ZNF728: variants seen among roughly 807,000 people sequenced by gnomAD.
The protein encoded by ZNF728 is zinc finger protein 728.
A neutral mutation model predicts 12.5 loss-of-function variants in ZNF728; 12 were observed. The ratio of observed to expected loss-of-function variants is 0.96; its 90% CI spans 0.61 to 1.55. The LOEUF (loss-of-function observed/expected upper bound fraction) is 1.55. Ranked by LOEUF, ZNF728 falls within the 40% of genes most tolerant of loss-of-function variation. The pLI is 0.00. For synonymous variants in ZNF728, 205 were observed against 240.7 expected (o/e 0.85, Z 1.37); for missense variants, 692 against 719.2 (o/e 0.96, Z 0.43).
intron 3 of ZNF728, among the ~76,000 whole-genome samples, chr19:22,980,779 G>A (rs550279613): frequency 2.0e-5 from 3 of 152,212 alleles, no homozygotes; most frequent in East Asian, 1.9e-4. Flanking sequence ...TGACTACAGG[G>A]TAAATAACAA....
Position 22,980,668 on chromosome 19 carries a change from C to T in ZNF728, c.227-3558G>A, listed in dbSNP as rs867552204. 2.0e-4 allele frequency among the ~76,000 whole-genome samples: 30 copies of T among 151,194 alleles called. No homozygotes were observed. In the South Asian group the frequency reaches 2.1e-3, roughly 10 times the overall value. ...TCAGCAAATGTAAAAGAATGGAAAT[C>T]GTAACAGTCTCTCAGACCACAGTGC... On this transcript the variant is annotated intron_variant, in intron 3 of 3. Transcript: ENST00000594710.
chr19:22,988,267 C>G, intron 2 of ZNF728, 58 bp downstream of exon 2: 1 of 1,611,790 alleles, frequency 6.2e-7, no homozygotes. Flanking sequence ...CAATAAAGTC[C>G]ACAGCAAAAT....
intron 1 of ZNF728, among the ~76,000 whole-genome samples, chr19:22,992,800 G>C (rs112235827): frequency 2.6e-5 from 4 of 152,196 alleles, no homozygotes; most frequent in Non-Finnish European, 5.9e-5. Flanking sequence ...ACACAATTCT[G>C]TTCTGGACAT....
chr19:22,985,543 C>G (rs1181241048), intron 3 of ZNF728: 1 of 152,184 alleles, frequency 6.6e-6, no homozygotes, highest in African/African-American at 2.4e-5. Context: ...GAGGAGCACC[C>G]TTTTCAGAAG....
At position 22,975,428 on chromosome 19, in the gene ZNF728, A is replaced by G. The variant is rs1484712591; in HGVS notation, c.*40T>C. The G allele has an allele frequency of 2.0e-6, 3 of 1,470,882 alleles. No individual in the cohort carries two copies. Among genetic ancestry groups the G allele is most frequent in the Non-Finnish European group, 2.7e-6 (3 of 1,097,022 alleles). The allele number at this position is 1,470,882 out of a possible 1,614,324, so 91.1% of individuals were successfully genotyped here. A position where few individuals can be genotyped will look rare whatever the true frequency, so the allele number is the denominator to read the frequency against. On this transcript the variant is annotated 3_prime_UTR_variant, in exon 4 of 4. Transcript: ENST00000594710. Reference sequence around the variant, plus strand: ...CTCCTGTATAAATACCCTTATGTTCAGTAAGGGTTAAGAACTAATTGAAAG... The same window carrying G: ...CTCCTGTATAAATACCCTTATGTTCGGTAAGGGTTAAGAACTAATTGAAAG...
intron 1 of ZNF728, among the ~76,000 whole-genome samples, chr19:22,991,204 AAAC>A (rs1313391410): frequency 6.6e-6 from 1 of 152,376 alleles, no homozygotes; most frequent in Admixed American, 6.5e-5. Context: ...TGCATTTGGA[AAAC>A]AACATGTGCA....
Position 22,976,784 on chromosome 19 carries a change from G to A in ZNF728, c.553C>T (p.Leu185Phe). 1.2e-6 allele frequency: 2 copies of A among 1,613,374 alleles called. No homozygotes were observed. The highest frequency in any genetic ancestry group is 1.3e-5 in the African/African-American group (1 of 75,048). ...CTTTTATGTTGAGATAGGTGTGAAAGCATGCAAAATGATCTGACATATTCT... is the reference window on the plus strand; with the variant it reads ...CTTTTATGTTGAGATAGGTGTGAAAACATGCAAAATGATCTGACATATTCT... ...CKEYVRSFCM[L>F]SHLSQHKRIY... Residue 185 changes from leucine (L) to phenylalanine (F), a missense_variant, in exon 4 of 4, where the codon CTT (leucine) becomes TTT (phenylalanine). Physicochemically the swap from Leu to Phe is conservative, Grantham distance 22 (BLOSUM62 0). Around this residue, in one of 3 missense-constraint regions of ZNF728, gnomAD observed 440 missense variants for 459.6 expected, o/e 0.96. Transcript: ENST00000594710.
At chr19:22,992,027 G>T (rs1332564806) in intron 1 of ZNF728, among the ~76,000 whole-genome samples, 1 of 152,032 alleles carries the variant, frequency 6.6e-6, no homozygotes, top group East Asian at 1.9e-4. Flanking sequence ...TCTTAGCAGG[G>T]TAAAATAAAT....
At chr19:22,989,529 G>GT (rs1968960677) in intron 1 of ZNF728, among the ~76,000 whole-genome samples, 1 of 152,106 alleles carries the variant, frequency 6.6e-6, no homozygotes, top group South Asian at 2.1e-4. Context: ...GAAAAAATGT[G>GT]TCGGAGAGCT....
At chr19:22,996,711 G>C (rs1969053759) in intron 1 of ZNF728, among the ~76,000 whole-genome samples, 1 of 151,988 alleles carries the variant, frequency 6.6e-6, no homozygotes, top group African/African-American at 2.4e-5. Context: ...CAAAAGGTTT[G>C]TTTCATTGTT....
chr19:23,002,940 A>G (rs1314221035), intron 1 of ZNF728, 88 bp downstream of exon 1: 5 of 1,524,204 alleles, frequency 3.3e-6, no homozygotes, highest in African/African-American at 1.4e-5. Context: ...GCTGACTGAG[A>G]GGAGGCCTGA....
At chr19:22,986,253 AC>A (rs1281919010) in intron 3 of ZNF728, among the ~76,000 whole-genome samples, 3 of 152,150 alleles carry the variant, frequency 2.0e-5, no homozygotes, top group Admixed American at 1.3e-4. Flanking sequence ...CTATTTTAAC[AC>A]AGCACTTGAC....
In ZNF728 at chr19:22,975,930, T is replaced by G. The variant is rs1299998243; in HGVS notation, c.1407A>C (p.Thr469=). 1.2e-5 allele frequency: 19 copies of G among 1,606,454 alleles called. No homozygotes were observed. The highest frequency in any genetic ancestry group is 1.6e-5 in the Non-Finnish European group (19 of 1,174,438). Residue 469 remains threonine (T), a synonymous_variant, in exon 4 of 4, where the codon ACA becomes ACC. Transcript: ENST00000594710. ...KVFSWSSSLT[T]HKAIHAGEKL... ...TCTCTCCAGCATGAATTGCCTTATG[T>G]GTAGTAAGGCTTGAGGACCAGCTGA...
chr19:22,989,549 A>C (rs147184349), intron 1 of ZNF728, among the ~76,000 whole-genome samples: 12 of 152,312 alleles, frequency 7.9e-5, no homozygotes, highest in African/African-American at 2.6e-4. Context: ...TTATCAACCA[A>C]GTGATTTATT....
chr19:22,996,698 T>A (rs748030523), intron 1 of ZNF728, among the ~76,000 whole-genome samples: 6 of 152,212 alleles, frequency 3.9e-5, no homozygotes, highest in South Asian at 2.1e-4. Flanking sequence ...TCAAAAAGAA[T>A]GACAAAAGGT....
intron 1 of ZNF728, among the ~76,000 whole-genome samples, chr19:22,996,973 GTTA>G (rs1969057423): frequency 6.6e-6 from 1 of 152,270 alleles, no homozygotes; most frequent in South Asian, 2.1e-4. Flanking sequence ...AGAGAAAGAT[GTTA>G]TTAAGAAACC....
At chr19:22,984,121 T>C (rs959707217) in intron 3 of ZNF728, among the ~76,000 whole-genome samples, 1 of 152,088 alleles carries the variant, frequency 6.6e-6, no homozygotes, top group African/African-American at 2.4e-5. Context: ...TACACCCTTC[T>C]CAATAGCTCA....
chr19:23,002,767 G>A (rs1969126008), intron 1 of ZNF728, among the ~76,000 whole-genome samples: 1 of 152,222 alleles, frequency 6.6e-6, no homozygotes, highest in African/African-American at 2.4e-5. Context: ...ACTCCGCGCT[G>A]CGGGTGCAGA....
chr19:22,975,792 T>G lies in ZNF728; in HGVS notation c.1545A>C (p.Lys515Asn). The G allele has an allele frequency of 6.2e-7, 1 of 1,612,672 alleles. No homozygotes were observed. The highest frequency in any genetic ancestry group is 8.5e-7 in the Non-Finnish European group (1 of 1,179,924). ...TAAGGTTTGCAACCTTACTGAAGGC[T>G]TTGCCACATTCTTCACATTTGTAGG... ...EKPYKCEECG[K>N]AFSKVANLTK... Residue 515 changes from lysine to asparagine, a missense_variant, in exon 4 of 4, where the codon AAA (lysine) becomes AAC (asparagine). Lys to Asn is a moderately conservative substitution (Grantham distance 94). Around this residue, in one of 3 missense-constraint regions of ZNF728, gnomAD observed 244 missense variants for 235.2 expected, o/e 1.04. Transcript: ENST00000594710.
Sources: allele counts gnomAD v4.1 joint callset (sites outside exome capture counted in the v4.1 genomes callset), GRCh38; gene constraint gnomAD v4.1.1; regional missense constraint gnomAD v4.1.1; transcripts MANE v1.5; gene names NCBI Gene and HGNC (gene_info 2026-07-23, HGNC 2026-07-21).